Variants in ARHGAP42 observed in about 807,000 individuals in gnomAD.
The protein encoded by ARHGAP42 is Rho GTPase activating protein 42, also known as rho GTPase-activating protein 42.
In ARHGAP42, 63 loss-of-function variants were observed where a neutral mutation model predicts 125.0. That is an observed-to-expected ratio of 0.50 (90% confidence interval 0.41 to 0.62). The LOEUF (loss-of-function observed/expected upper bound fraction) is 0.62, where lower values mean the gene tolerates loss of function less well. Among genes scored for constraint, ARHGAP42 ranks in the 20% least tolerant of loss-of-function variants. The pLI is 0.00. For missense variants in ARHGAP42, 766 were observed against 1,024.2 expected (o/e 0.75, Z 3.44); for synonymous variants, 339 against 351.0 (o/e 0.97, Z 0.38).
At position 100,943,876 on chromosome 11, in the gene ARHGAP42, C is replaced by CT. The variant is rs757005750; in HGVS notation, c.1043+9dup. 24 of 1,512,664 alleles carry CT rather than the reference C, an allele frequency of 1.6e-5. No homozygotes were observed. Among genetic ancestry groups the CT allele is most frequent in the Middle Eastern group, 3.5e-4 (2 of 5,730 alleles). 93.7% of individuals were successfully genotyped at this position (1,512,664 alleles called of 1,614,324 possible). A position where few individuals can be genotyped will look rare whatever the true frequency, so the allele number is the denominator to read the frequency against. Reference sequence around the variant, plus strand: ...CATAGAAGTAGTTGAAAGGTTTGAGCTGTTCTTTTCACTTTATTTTTTTCA... The same window carrying CT: ...CATAGAAGTAGTTGAAAGGTTTGAGCTTGTTCTTTTCACTTTATTTTTTTCA... On this transcript the variant is annotated intron_variant, in intron 10 of 23. Coordinates refer to ENST00000298815, the MANE Select transcript of ARHGAP42 (RefSeq NM_152432.4).
intron 9 of ARHGAP42, among the ~76,000 whole-genome samples, chr11:100,943,490 A>G (rs937736652): frequency 6.6e-6 from 1 of 152,130 alleles, no homozygotes; most frequent in Non-Finnish European, 1.5e-5. Context: ...AGTATAATTT[A>G]ACATTGTAAG....
At chr11:100,967,828 C>G (rs1460376095) in intron 17 of ARHGAP42, among the ~76,000 whole-genome samples, 1 of 152,170 alleles carries the variant, frequency 6.6e-6, no homozygotes, top group Non-Finnish European at 1.5e-5. Context: ...ATTCTCCTGC[C>G]TCAGCCTCCT....
chr11:100,784,873 A>G (rs781305061), intron 2 of ARHGAP42, among the ~76,000 whole-genome samples: 4 of 152,190 alleles, frequency 2.6e-5, no homozygotes, highest in Admixed American at 6.5e-5. Flanking sequence ...CAGTTTTCCT[A>G]TCTGAAAAAT....
At chr11:100,709,110 G>T (rs1219261753) in intron 1 of ARHGAP42, among the ~76,000 whole-genome samples, 2 of 152,000 alleles carry the variant, frequency 1.3e-5, no homozygotes, top group Admixed American at 1.3e-4. Flanking sequence ...CATGATCTTG[G>T]CTCACTGCAA....
chr11:100,958,131 GT>G (rs1555032548), intron 12 of ARHGAP42, among the ~76,000 whole-genome samples: 1 of 2,406 alleles, frequency 4.2e-4, no homozygotes, highest in Non-Finnish European at 7.5e-4. Context: ...CTCAGTTTTT[GT>G]TGTTGTCCTT....
At chr11:100,712,761 TAC>T (rs1372821801) in intron 1 of ARHGAP42, among the ~76,000 whole-genome samples, 3 of 152,340 alleles carry the variant, frequency 2.0e-5, no homozygotes, top group South Asian at 2.1e-4. Flanking sequence ...CTGGAATAGA[TAC>T]AGTCTTTTTA....
Position 100,948,453 on chromosome 11 carries a change from A to G in ARHGAP42, c.1044-4A>G, listed in dbSNP as rs1280240184. On this transcript the variant is annotated splice_polypyrimidine_tract_variant and splice_region_variant and intron_variant, in intron 10 of 23. Coordinates refer to ENST00000298815, the MANE Select transcript of ARHGAP42 (RefSeq NM_152432.4). The stretch of plus-strand genomic sequence containing the variant: ...AAATATAGAAAATATTTGTTTTTAA[A>G]TAGGCATGGGATCATCACGTTACAG... 3 of 1,522,578 alleles carry G rather than the reference A, an allele frequency of 2.0e-6. No individual in the cohort carries two copies. The highest frequency in any genetic ancestry group is 2.6e-6 in the Non-Finnish European group (3 of 1,134,164). 94.3% of individuals were successfully genotyped at this position (1,522,578 alleles called of 1,614,324 possible).
chr11:100,960,051 G>T, intron 13 of ARHGAP42, 106 bp downstream of exon 13: 1 of 919,482 alleles, frequency 1.1e-6, no homozygotes. Flanking sequence ...TCATTAACAT[G>T]GATTAATTTT....
At chr11:100,827,638 G>A (rs906241788) in intron 3 of ARHGAP42, among the ~76,000 whole-genome samples, 3 of 152,222 alleles carry the variant, frequency 2.0e-5, no homozygotes, top group African/African-American at 7.2e-5. Flanking sequence ...AAGCTGAGGG[G>A]TAAGGTGTGG....
intron 1 of ARHGAP42, among the ~76,000 whole-genome samples, chr11:100,692,316 A>G (rs993783912): frequency 6.6e-6 from 1 of 152,236 alleles, no homozygotes; most frequent in African/African-American, 2.4e-5. Flanking sequence ...TATGCTTATA[A>G]CATTCATGCA....
chr11:100,748,276 G>C (rs901528714), intron 1 of ARHGAP42, among the ~76,000 whole-genome samples: 1 of 152,176 alleles, frequency 6.6e-6, no homozygotes, highest in Non-Finnish European at 1.5e-5. Context: ...CAGCTCGCAG[G>C]TTTGAGCAGG....
chr11:100,935,344 A>G (rs1013535836), intron 7 of ARHGAP42, among the ~76,000 whole-genome samples: 1 of 152,152 alleles, frequency 6.6e-6, no homozygotes, highest in African/African-American at 2.4e-5. Flanking sequence ...ATTGATTTTT[A>G]TGAGTTAATT....
rs968677926 is a variant in ARHGAP42, at chr11:100,989,085, G to T, written c.*284G>T. ...CCACAATGTCGCTTCCGTAGCAATT[G>T]TAGAGTTTCAAATACTGTGTTAAAT... On this transcript the variant is annotated 3_prime_UTR_variant, in exon 24 of 24. Transcript: ENST00000298815. The T allele has an allele frequency of 1.1e-4, 50 of 449,778 alleles. No homozygotes were observed. The highest frequency in any genetic ancestry group is 1.8e-4 in the Admixed American group (5 of 27,368). 27.9% of individuals were successfully genotyped at this position (449,778 alleles called of 1,614,324 possible). A position where few individuals can be genotyped will look rare whatever the true frequency, so the allele number is the denominator to read the frequency against.
At chr11:100,975,981 A>G in intron 19 of ARHGAP42, 76 bp from the exon 20 acceptor site, 3 of 1,426,366 alleles carry the variant, frequency 2.1e-6, no homozygotes. Context: ...TAAGTTGGAG[A>G]ACAGAAGGGT....
intron 7 of ARHGAP42, among the ~76,000 whole-genome samples, chr11:100,934,593 C>G (rs1236479605): frequency 6.6e-6 from 1 of 152,146 alleles, no homozygotes; most frequent in Non-Finnish European, 1.5e-5. Flanking sequence ...GTTGAGCCAA[C>G]CTATTTCACA....
At chr11:100,725,641 A>T (rs1565542775) in intron 1 of ARHGAP42, among the ~76,000 whole-genome samples, 1 of 24,360 alleles carries the variant, frequency 4.1e-5, no homozygotes, top group Non-Finnish European at 7.3e-5. Context: ...AATAATAATA[A>T]AAAAAAGCCA....
At chr11:100,720,889 A>G (rs1053130072) in intron 1 of ARHGAP42, among the ~76,000 whole-genome samples, 6 of 152,170 alleles carry the variant, frequency 3.9e-5, no homozygotes, top group African/African-American at 1.4e-4. Context: ...GAGGTTTAAA[A>G]ATAGAATAAT....
At chr11:100,773,638 C>T (rs902622089) in intron 2 of ARHGAP42, among the ~76,000 whole-genome samples, 2 of 152,298 alleles carry the variant, frequency 1.3e-5, no homozygotes, top group African/African-American at 2.4e-5. Context: ...CACTATGCTA[C>T]GCAGCCTTCT....
Position 100,993,210 on chromosome 11 carries a change from C to A in ARHGAP42, c.*4409C>A, listed in dbSNP as rs1197946631. On this transcript the variant is annotated 3_prime_UTR_variant, in exon 24 of 24. Transcript: ENST00000298815. ...ATGGTGTTTTTGCATCCAGAGTTGA[C>A]AACAACTCAATTTTGCCTTGAATTT... 6.0e-6 allele frequency: 1 copy of A among 167,436 alleles called. No homozygotes were observed. The highest frequency in any genetic ancestry group is 1.5e-5 in the Non-Finnish European group (1 of 68,466). The allele number at this position is 167,436 out of a possible 1,614,324, so 10.4% of individuals were successfully genotyped here.
Sources: allele counts gnomAD v4.1 joint callset (sites outside exome capture counted in the v4.1 genomes callset), GRCh38; gene constraint gnomAD v4.1.1; transcripts MANE v1.5; gene names NCBI Gene and HGNC (gene_info 2026-07-23, HGNC 2026-07-21).